BRSK1: variants seen among roughly 807,000 people sequenced by gnomAD.
BRSK1 encodes the protein serine/threonine-protein kinase BRSK1.
A neutral mutation model predicts 86.2 loss-of-function variants in BRSK1; 17 were observed. The observed-to-expected ratio is 0.20, with a 90% confidence interval of 0.14 to 0.30. The LOEUF is 0.30. Among genes scored for constraint, BRSK1 ranks in the 10% least tolerant of loss-of-function variants. The probability of loss-of-function intolerance (pLI) is 1.00; values close to 1 mark genes in which losing one functional copy is unlikely to be tolerated. For synonymous variants in BRSK1, 464 were observed against 440.1 expected, an observed-to-expected ratio of 1.05 and a Z score of -0.68; for missense variants, 719 against 1,071.9, an observed-to-expected ratio of 0.67 and a Z score of 4.60.
chr19:55,303,251 A>T lies in BRSK1; in HGVS notation c.1029-60A>T. ...GGAGCGGAGGAGACCTCCTCTGAGC[A>T]TTGATGTTGGACCTCAGCCCTCTGC... On this transcript the variant is annotated intron_variant, in intron 10 of 18. Coordinates refer to ENST00000309383, the MANE Select transcript of BRSK1 (RefSeq NM_032430.2). This position sits in a 1 kb window ranked among gnomAD's most constrained non-coding sequence, Gnocchi z 5.1. The T allele has an allele frequency of 1.5e-6, 2 of 1,335,236 alleles. No individual in the cohort carries two copies. Among genetic ancestry groups the T allele is most frequent in the South Asian group, 2.3e-5 (2 of 85,340 alleles). 82.7% of individuals were successfully genotyped at this position (1,335,236 alleles called of 1,614,324 possible).
intron 1 of BRSK1, among the ~76,000 whole-genome samples, chr19:55,285,561 A>T (rs1663227302): frequency 6.6e-6 from 1 of 152,144 alleles, no homozygotes; most frequent in Non-Finnish European, 1.5e-5. Context: ...CGTGGGGCCT[A>T]AGACATTCTC....
intron 4 of BRSK1, among the ~76,000 whole-genome samples, chr19:55,292,788 C>T (rs1600175288): frequency 6.6e-6 from 1 of 151,244 alleles, no homozygotes; most frequent in Non-Finnish European, 1.5e-5. Context: ...GAGCCGTAAT[C>T]GTGCCACTGC....
rs1183751349 is a variant in BRSK1, at chr19:55,303,238, ACCT to A, written c.1029-68_1029-66del. 3.4e-6 allele frequency: 4 copies of A among 1,187,986 alleles called. No individual in the cohort carries two copies. The African/African-American group carries it at 4.5e-5, about 13-fold the overall frequency. The allele number at this position is 1,187,986 out of a possible 1,614,324, so 73.6% of individuals were successfully genotyped here. A position where few individuals can be genotyped will look rare whatever the true frequency, so the allele number is the denominator to read the frequency against. ...GGCAGAAATACAGGGAGCGGAGGAG[ACCT>A]CCTCTGAGCATTGATGTTGGACCTC... On this transcript the variant is annotated intron_variant, in intron 10 of 18. Transcript: ENST00000309383. The surrounding 1 kb of genome is among the most constrained non-coding windows in gnomAD (Gnocchi z 5.1).
intron 8 of BRSK1, 197 bp from the exon 9 acceptor site, chr19:55,301,940 C>T (rs113763564): frequency 4.9e-6 from 4 of 817,146 alleles, no homozygotes; most frequent in African/African-American, 1.7e-5. Context: ...GCGGCCGGTC[C>T]GGGGTACACG....
Position 55,303,949 on chromosome 19 carries a change from C to A in BRSK1, c.1287-101C>A. On this transcript the variant is annotated intron_variant, in intron 12 of 18. Coordinates refer to ENST00000309383, the MANE Select transcript of BRSK1 (RefSeq NM_032430.2). This position sits in a 1 kb window ranked among gnomAD's most constrained non-coding sequence, Gnocchi z 5.1. ...GACAATTCACCTCCCCTCTCTGGGC[C>A]TCATTTCCTCACCTGGAAGGACTGT... The A allele has an allele frequency of 6.6e-7, 1 of 1,507,690 alleles. No individual in the cohort carries two copies. The highest frequency in any genetic ancestry group is 8.9e-7 in the Non-Finnish European group (1 of 1,121,840). 93.4% of individuals were successfully genotyped at this position (1,507,690 alleles called of 1,614,324 possible). A position where few individuals can be genotyped will look rare whatever the true frequency, so the allele number is the denominator to read the frequency against.
At position 55,289,721 on chromosome 19, in the gene BRSK1, C is replaced by T. The variant is rs74550115; in HGVS notation, c.458+101C>T. On this transcript the variant is annotated intron_variant, in intron 4 of 18. Coordinates refer to ENST00000309383, the MANE Select transcript of BRSK1 (RefSeq NM_032430.2). ...TGAGCAAAAGCCATGTGGTCGGCCC[C>T]CAAACCTTTATCCCATTGAGACATA... 3,265 of 1,448,602 alleles carry T rather than the reference C, an allele frequency of 2.3e-3. 47 individuals are homozygous for T. The highest frequency in any genetic ancestry group is 0.019 in the East Asian group (800 of 42,016). The allele number at this position is 1,448,602 out of a possible 1,614,324, so 89.7% of individuals were successfully genotyped here. A position where few individuals can be genotyped will look rare whatever the true frequency, so the allele number is the denominator to read the frequency against.
rs1164509086 is a variant in BRSK1 at position 55,284,083 on chromosome 19, T to TG, written c.-353dup. ...GAGGAGGCGGAGGAGAGAGGGCGCG[T>TG]GGGGGGGCGGGGGGGACCTCGGCCT... On this transcript the variant is annotated 5_prime_UTR_variant, in exon 1 of 19. The change abolishes the stop of an existing upstream ORF in the 5' untranslated region. Coordinates refer to ENST00000309383, the MANE Select transcript of BRSK1 (RefSeq NM_032430.2). 20 of 125,958 alleles carry TG rather than the reference T, an allele frequency of 1.6e-4. No individual in the cohort carries two copies. Among genetic ancestry groups the TG allele is most frequent in the Non-Finnish European group, 1.9e-4 (15 of 79,344 alleles). 7.8% of individuals were successfully genotyped at this position (125,958 alleles called of 1,614,324 possible). A position where few individuals can be genotyped will look rare whatever the true frequency, so the allele number is the denominator to read the frequency against.
chr19:55,288,983 C>G (rs1173872985), intron 3 of BRSK1, among the ~76,000 whole-genome samples: 3 of 152,142 alleles, frequency 2.0e-5, no homozygotes, highest in Admixed American at 2.0e-4. Flanking sequence ...ATCGTTAATA[C>G]TCGAAAATGA....
At chr19:55,295,628 A>C (rs140851634) in intron 7 of BRSK1, among the ~76,000 whole-genome samples, 4 of 152,332 alleles carry the variant, frequency 2.6e-5, no homozygotes, top group South Asian at 4.1e-4. Flanking sequence ...GCTTGATACA[A>C]TGACTGTTTA....
rs1292222533 is a variant in BRSK1 at position 55,284,316 on chromosome 19, C to T, written c.-127C>T. The T allele has an allele frequency of 2.5e-6, 2 of 795,428 alleles. No individual in the cohort carries two copies. Among genetic ancestry groups the T allele is most frequent in the Admixed American group, 4.5e-5 (1 of 22,296 alleles). 49.3% of individuals were successfully genotyped at this position (795,428 alleles called of 1,614,324 possible). On this transcript the variant is annotated 5_prime_UTR_variant, in exon 1 of 19. Coordinates refer to ENST00000309383, the MANE Select transcript of BRSK1 (RefSeq NM_032430.2). ...GGGGGCCAGCCCAGCCCCCTGGGGA[C>T]CCCCGGAGAGGTGGGGGGCAGCCGG...
At chr19:55,300,407 A>C (rs1331113365) in intron 7 of BRSK1, among the ~76,000 whole-genome samples, 1 of 152,196 alleles carries the variant, frequency 6.6e-6, no homozygotes, top group Non-Finnish European at 1.5e-5. Flanking sequence ...GCAAGGATTC[A>C]AAGCAAGGCA....
Position 55,302,247 on chromosome 19 carries a change from G to C in BRSK1, c.857+79G>C. 12 of 1,552,108 alleles carry C rather than the reference G, an allele frequency of 7.7e-6. No individual in the cohort carries two copies. Among genetic ancestry groups the C allele is most frequent in the Non-Finnish European group, 9.8e-6 (11 of 1,123,966 alleles). On this transcript the variant is annotated intron_variant, in intron 9 of 18. Coordinates refer to ENST00000309383, the MANE Select transcript of BRSK1 (RefSeq NM_032430.2). The surrounding 1 kb of genome is among the most constrained non-coding windows in gnomAD (Gnocchi z 6.3). ...CAAAGCAGTAGAAGCGGCTGGGAGG[G>C]GTGGGATGCCAGGGTTCCTGAGAGG...
Position 55,302,947 on chromosome 19 carries a change from G to A in BRSK1, c.1028+80G>A, listed in dbSNP as rs565644434. On this transcript the variant is annotated intron_variant, in intron 10 of 18. Coordinates refer to ENST00000309383, the MANE Select transcript of BRSK1 (RefSeq NM_032430.2). The surrounding 1 kb of genome is among the most constrained non-coding windows in gnomAD (Gnocchi z 6.3). Reference sequence around the variant, plus strand: ...CTCCCTGCGCACATGCAGAGTGCTGGGCGAGGAACCCTGGCCTCTCATGGG... The same window carrying A: ...CTCCCTGCGCACATGCAGAGTGCTGAGCGAGGAACCCTGGCCTCTCATGGG... 3.5e-5 allele frequency: 54 copies of A among 1,528,896 alleles called. No individual in the cohort carries two copies. The highest frequency in any genetic ancestry group is 4.6e-5 in the Non-Finnish European group (52 of 1,131,832). 94.7% of individuals were successfully genotyped at this position (1,528,896 alleles called of 1,614,324 possible).
Position 55,303,472 on chromosome 19 carries a change from G to A in BRSK1, c.1126+64G>A, listed in dbSNP as rs2088602492. On this transcript the variant is annotated intron_variant, in intron 11 of 18. Transcript: ENST00000309383. This position sits in a 1 kb window ranked among gnomAD's most constrained non-coding sequence, Gnocchi z 5.1. ...CGAGATTGGAAGAGGCTGGCCACGGGGACCCCAGATTCCCAAGGAAAGAAG... is the reference window on the plus strand; with the variant it reads ...CGAGATTGGAAGAGGCTGGCCACGGAGACCCCAGATTCCCAAGGAAAGAAG... 3 of 1,553,324 alleles carry A rather than the reference G, an allele frequency of 1.9e-6. No homozygotes were observed. Among genetic ancestry groups the A allele is most frequent in the Non-Finnish European group, 2.7e-6 (3 of 1,126,384 alleles).
Position 55,284,488 on chromosome 19 carries a change from C to CCCCA in BRSK1, c.46_47insCCCA (p.His16ProfsTer35). 5.8e-6 allele frequency: 7 copies of CCCCA among 1,205,254 alleles called. No individual in the cohort carries two copies. Among genetic ancestry groups the CCCCA allele is most frequent in the Non-Finnish European group, 7.7e-6 (7 of 907,324 alleles). 74.7% of individuals were successfully genotyped at this position (1,205,254 alleles called of 1,614,324 possible). A position where few individuals can be genotyped will look rare whatever the true frequency, so the allele number is the denominator to read the frequency against. ...GGGAGGTGGGGGCTCTCCCGCCTAC[C>CCCCA]ACCTCCCCCACCCCCACCCCCACCC... On this transcript the variant is annotated frameshift_variant, in exon 1 of 19. Transcript: ENST00000309383. LOFTEE classifies it high-confidence loss of function.
In BRSK1 at chr19:55,294,510, T is replaced by C. The variant is rs1217733450; in HGVS notation, c.678+113T>C. The C allele has an allele frequency of 1.2e-5, 16 of 1,316,902 alleles. No homozygotes were observed. Among genetic ancestry groups the C allele is most frequent in the Non-Finnish European group, 1.7e-5 (16 of 960,272 alleles). 81.6% of individuals were successfully genotyped at this position (1,316,902 alleles called of 1,614,324 possible). A position where few individuals can be genotyped will look rare whatever the true frequency, so the allele number is the denominator to read the frequency against. On this transcript the variant is annotated intron_variant, in intron 7 of 18. Transcript: ENST00000309383. The surrounding 1 kb of genome is among the most constrained non-coding windows in gnomAD (Gnocchi z 4.9). ...CCTGAATTTATTTATGAATTTTATTTATTTATTTTGAGACAGAGTCTTGCC... is the reference window on the plus strand; with the variant it reads ...CCTGAATTTATTTATGAATTTTATTCATTTATTTTGAGACAGAGTCTTGCC...
In BRSK1 at chr19:55,289,504, G is replaced by T. The variant is rs142000353; in HGVS notation, c.342G>T (p.Ser114=). ...GGTACCTGGTTCTGGAGCACGTCTCGGGGGGTGAGCTATTCGACTACCTGG... is the reference window on the plus strand; with the variant it reads ...GGTACCTGGTTCTGGAGCACGTCTCTGGGGGTGAGCTATTCGACTACCTGG... The part of the protein sequence containing the change: ...KYLYLVLEHV[S]GGELFDYLVK... The change falls in exon 4 of 19, where the codon TCG becomes TCT. Residue 114 remains serine, a synonymous_variant. Transcript: ENST00000309383. 1.9e-6 allele frequency: 3 copies of T among 1,613,766 alleles called. No homozygotes were observed. Among genetic ancestry groups the T allele is most frequent in the Admixed American group, 3.3e-5 (2 of 59,956 alleles).
chr19:55,304,982 C>T lies in BRSK1; in HGVS notation c.1717+62C>T. On this transcript the variant is annotated intron_variant, in intron 14 of 18. Coordinates refer to ENST00000309383, the MANE Select transcript of BRSK1 (RefSeq NM_032430.2). The surrounding 1 kb of genome is among the most constrained non-coding windows in gnomAD (Gnocchi z 5.2). ...AGAGGTTGGGGCTAAAAATCTGGTT[C>T]CAGGGATGTCCGTCTGGCGTGTCTA... is the stretch of plus-strand genomic sequence containing the variant. 6.3e-7 allele frequency: 1 copy of T among 1,584,016 alleles called. No individual in the cohort carries two copies. Among genetic ancestry groups the T allele is most frequent in the Admixed American group, 1.7e-5 (1 of 57,868 alleles).
intron 1 of BRSK1, among the ~76,000 whole-genome samples, chr19:55,284,814 G>A (rs1358894532): frequency 6.6e-6 from 1 of 151,940 alleles, no homozygotes; most frequent in Non-Finnish European, 1.5e-5. Flanking sequence ...AGGGAGGAGG[G>A]GCTGGGCACT....
Sources: gnomAD v4.1 joint callset for allele counts (sites outside exome capture counted in the v4.1 genomes callset) on GRCh38, gnomAD v4.1.1 for gene constraint, Gnocchi (gnomAD v3.1) non-coding constraint, MANE v1.5 for transcripts, NCBI Gene and HGNC (gene_info 2026-07-23, HGNC 2026-07-21) for gene names.